CLNK: variants seen among roughly 807,000 people sequenced by gnomAD.
The protein encoded by CLNK is cytokine-dependent hematopoietic cell linker.
A neutral mutation model predicts 68.6 loss-of-function variants in CLNK; 74 were observed. That is an observed-to-expected ratio of 1.08 (90% CI 0.89 to 1.31). CLNK has a LOEUF of 1.31. CLNK is among the 50% of genes most tolerant of loss of function. The probability of loss-of-function intolerance (pLI) is 0.00; values close to 1 mark genes in which losing one functional copy is unlikely to be tolerated. For missense variants in CLNK, 553 were observed against 515.3 expected (o/e 1.07, Z -0.71); for synonymous variants, 198 against 172.2 (o/e 1.15, Z -1.17).
rs1432530964 is a variant in CLNK, at chr4:10,598,086, G to T, written c.12-37C>A. On this transcript the variant is annotated intron_variant, in intron 2 of 18. Coordinates refer to ENST00000226951, the MANE Select transcript of CLNK (RefSeq NM_052964.4). ...GAAAATAAATTATAGCTGGGAAATA[G>T]CAAGAAGCTAGGGGAAAAATTAATT... 3 of 1,420,878 alleles carry T rather than the reference G, an allele frequency of 2.1e-6. No individual in the cohort carries two copies. The South Asian group carries it at 3.8e-5, about 18-fold the overall frequency. The allele number at this position is 1,420,878 out of a possible 1,614,324, so 88.0% of individuals were successfully genotyped here.
At chr4:10,538,242 G>A (rs1013636016) in intron 11 of CLNK, among the ~76,000 whole-genome samples, 1 of 152,152 alleles carries the variant, frequency 6.6e-6, no homozygotes, top group Non-Finnish European at 1.5e-5. Context: ...CGATTCTCAT[G>A]TCTCAGTCTC....
At chr4:10,629,911 A>G (rs1463009590) in intron 2 of CLNK, among the ~76,000 whole-genome samples, 1 of 152,202 alleles carries the variant, frequency 6.6e-6, no homozygotes, top group Non-Finnish European at 1.5e-5. Context: ...GAAATATCCC[A>G]TAAATCTTTG....
intron 16 of CLNK, among the ~76,000 whole-genome samples, chr4:10,511,309 G>C (rs1042421331): frequency 3.9e-5 from 6 of 152,152 alleles, no homozygotes; most frequent in Admixed American, 2.0e-4. Flanking sequence ...CTCATATTTG[G>C]CTCAGAATAA....
the CLNK span, among the ~76,000 whole-genome samples, chr4:10,696,962 A>G: frequency 1.7e-4 from 26 of 152,294 alleles, no homozygotes; most frequent in South Asian, 1.0e-3. Context: ...TGCATTCTAA[A>G]CAAATTCTCC....
rs531411361 is a variant in CLNK at position 10,604,683 on chromosome 4, T to G, written c.12-6634A>C. Among the ~76,000 whole-genome samples the G allele has an allele frequency of 3.3e-5, 5 of 152,282 alleles. No individual in the cohort carries two copies. In the South Asian group the frequency reaches 6.2e-4, roughly 19 times the overall value. On this transcript the variant is annotated intron_variant, in intron 2 of 18. Coordinates refer to ENST00000226951, the MANE Select transcript of CLNK (RefSeq NM_052964.4). ...TCCCTATTATCTCACATTTTTATAT[T>G]AGGAGACTGCCCCCTGAAAATTTGA...
At chr4:10,700,129 AG>A in the CLNK span, among the ~76,000 whole-genome samples, 1 of 152,140 alleles carries the variant, frequency 6.6e-6, no homozygotes, top group Admixed American at 6.6e-5. Context: ...GGTTTCACAA[AG>A]GGAAGAATGG....
the CLNK span, among the ~76,000 whole-genome samples, chr4:10,730,910 C>T: frequency 2.6e-5 from 4 of 152,204 alleles, no homozygotes; most frequent in African/African-American, 9.7e-5. Flanking sequence ...CACATACACA[C>T]ACACACATCT....
chr4:10,686,764 A>G (rs1174768979), upstream of CLNK, among the ~76,000 whole-genome samples: 1 of 152,072 alleles, frequency 6.6e-6, no homozygotes, highest in African/African-American at 2.4e-5. Context: ...CTAAAAATGC[A>G]TGTTCACATC....
chr4:10,649,294 A>G (rs1242499175), intron 2 of CLNK, among the ~76,000 whole-genome samples: 3 of 152,224 alleles, frequency 2.0e-5, no homozygotes, highest in African/African-American at 4.8e-5. Flanking sequence ...TTTTTAAGCA[A>G]CTAATTTTCA....
At chr4:10,705,190 A>G in the CLNK span, among the ~76,000 whole-genome samples, 1 of 152,212 alleles carries the variant, frequency 6.6e-6, no homozygotes, top group Non-Finnish European at 1.5e-5. Context: ...GGGTGGAAGG[A>G]ATGGAGTCTG....
chr4:10,699,870 T>C, the CLNK span, among the ~76,000 whole-genome samples: 1 of 152,126 alleles, frequency 6.6e-6, no homozygotes, highest in East Asian at 1.9e-4. Context: ...ACAATATCAA[T>C]GCTATGTACA....
At chr4:10,530,156 C>G (rs1036791900) in intron 12 of CLNK, among the ~76,000 whole-genome samples, 1 of 152,020 alleles carries the variant, frequency 6.6e-6, no homozygotes, top group Non-Finnish European at 1.5e-5. Context: ...GTGGGGAAGA[C>G]ACCTAGACTT....
chr4:10,700,043 A>T, the CLNK span, among the ~76,000 whole-genome samples: 1 of 91,598 alleles, frequency 1.1e-5, no homozygotes, highest in Admixed American at 1.2e-4. Flanking sequence ...TATATTTCCT[A>T]TTGGCTCTGT....
chr4:10,495,526 A>G (rs567797543), intron 18 of CLNK, among the ~76,000 whole-genome samples: 3 of 152,318 alleles, frequency 2.0e-5, no homozygotes, highest in African/African-American at 7.2e-5. Context: ...ATGCTTGGAC[A>G]ATAAATAAGT....
chr4:10,638,526 T>C (rs1219730556), intron 2 of CLNK, among the ~76,000 whole-genome samples: 2 of 152,208 alleles, frequency 1.3e-5, no homozygotes, highest in Non-Finnish European at 2.9e-5. Flanking sequence ...AAATATAGAC[T>C]CTGTGAACTT....
intron 11 of CLNK, among the ~76,000 whole-genome samples, chr4:10,539,941 A>G (rs1478740734): frequency 1.3e-5 from 2 of 152,232 alleles, no homozygotes; most frequent in African/African-American, 2.4e-5. Context: ...AATTCTTTCA[A>G]TAATAACTCA....
chr4:10,602,969 C>T (rs1425233427), intron 2 of CLNK, among the ~76,000 whole-genome samples: 1 of 152,218 alleles, frequency 6.6e-6, no homozygotes, highest in Non-Finnish European at 1.5e-5. Context: ...AAGAAGCCTA[C>T]TCCGAGAGTT....
chr4:10,702,098 C>T, the CLNK span, among the ~76,000 whole-genome samples: 1 of 152,168 alleles, frequency 6.6e-6, no homozygotes, highest in Non-Finnish European at 1.5e-5. Flanking sequence ...CTAGTTTATT[C>T]TGAAGACAAT....
chr4:10,547,736 T>C (rs1719293651), intron 8 of CLNK, among the ~76,000 whole-genome samples: 2 of 152,198 alleles, frequency 1.3e-5, no homozygotes, highest in African/African-American at 4.8e-5. Flanking sequence ...AGTGAGATTC[T>C]ACAGCATCAT....
Sources: allele counts gnomAD v4.1 joint callset (sites outside exome capture counted in the v4.1 genomes callset), GRCh38; gene constraint gnomAD v4.1.1; transcripts MANE v1.5; gene names NCBI Gene and HGNC (gene_info 2026-07-23, HGNC 2026-07-21).